Variants in BCKDHB observed in about 807,000 individuals in gnomAD.
BCKDHB encodes branched chain keto acid dehydrogenase E1 subunit beta.
BCKDHB carries 41 observed loss-of-function variants against 48.5 expected under a neutral mutation model. The ratio of observed to expected loss-of-function variants is 0.85; its 90% CI spans 0.66 to 1.10. The LOEUF (loss-of-function observed/expected upper bound fraction) is 1.10. Ranked by LOEUF, BCKDHB falls within the 50% of genes least tolerant of loss-of-function variation. The pLI is 0.00. For synonymous variants in BCKDHB, 201 were observed against 174.8 expected (o/e 1.15, Z -1.18); for missense variants, 496 against 494.2 (o/e 1.00, Z -0.03).
At chr6:80,410,644 T>C in the BCKDHB span, among the ~76,000 whole-genome samples, 1 of 152,250 alleles carries the variant, frequency 6.6e-6, no homozygotes, top group Non-Finnish European at 1.5e-5. Flanking sequence ...TGTTCATTTC[T>C]TTCTACTCTT....
At chr6:80,311,889 A>G (rs1200798401) in intron 9 of BCKDHB, among the ~76,000 whole-genome samples, 2 of 152,132 alleles carry the variant, frequency 1.3e-5, no homozygotes, top group Non-Finnish European at 2.9e-5. Context: ...CTTTTTGTTT[A>G]GGATTGTCTT....
intron 9 of BCKDHB, among the ~76,000 whole-genome samples, chr6:80,301,872 C>G (rs1399831763): frequency 6.6e-6 from 1 of 152,098 alleles, no homozygotes; most frequent in Admixed American, 6.5e-5. Context: ...ATTCACCACA[C>G]AAACAGAACT....
intron 9 of BCKDHB, among the ~76,000 whole-genome samples, chr6:80,315,595 C>T (rs1768405630): frequency 6.6e-6 from 1 of 151,452 alleles, no homozygotes; most frequent in Non-Finnish European, 1.5e-5. Context: ...CCCCCGATCC[C>T]TTGTTTTTTT....
chr6:80,352,306 G>A, the BCKDHB span, among the ~76,000 whole-genome samples: 1 of 152,182 alleles, frequency 6.6e-6, no homozygotes, highest in African/African-American at 2.4e-5. Flanking sequence ...GGGATTTATG[G>A]CCACCTTCTC....
At chr6:80,106,955 G>T (rs971805810) in intron 1 of BCKDHB, 66 bp downstream of exon 1, 5 of 1,542,878 alleles carry the variant, frequency 3.2e-6, no homozygotes, top group Non-Finnish European at 3.5e-6. Context: ...AGGCGCCCGC[G>T]AGGGGCAGGG....
intron 3 of BCKDHB, among the ~76,000 whole-genome samples, chr6:80,142,547 T>A (rs1771274602): frequency 6.6e-6 from 1 of 152,072 alleles, no homozygotes. Flanking sequence ...GGAATGGGAA[T>A]AAAAACATAT....
chr6:80,439,616 T>C, the BCKDHB span, among the ~76,000 whole-genome samples: 35 of 152,338 alleles, frequency 2.3e-4, no homozygotes, highest in Middle Eastern at 3.4e-3. Flanking sequence ...CTCATTACTT[T>C]AATCCTGGGC....
At chr6:80,322,238 C>CTTTTTTTTTTTTT (rs776940885) in intron 9 of BCKDHB, among the ~76,000 whole-genome samples, 10 of 116,658 alleles carry the variant, frequency 8.6e-5, no homozygotes, top group Non-Finnish European at 1.0e-4. Flanking sequence ...TCTTTCTTTT[C>CTTTTTTTTTTTTT]TTTTTTTTTT....
chr6:80,376,676 A>G, the BCKDHB span, among the ~76,000 whole-genome samples: 1 of 151,946 alleles, frequency 6.6e-6, no homozygotes, highest in South Asian at 2.1e-4. Context: ...TCCATTTTCT[A>G]TTTTTCACTT....
At chr6:80,295,310 C>T (rs1436840305) in intron 9 of BCKDHB, among the ~76,000 whole-genome samples, 1 of 152,034 alleles carries the variant, frequency 6.6e-6, no homozygotes, top group Non-Finnish European at 1.5e-5. Context: ...TTCCACATGG[C>T]TGGGGAGGCC....
chr6:80,422,578 G>T, the BCKDHB span, among the ~76,000 whole-genome samples: 1 of 152,194 alleles, frequency 6.6e-6, no homozygotes, highest in Non-Finnish European at 1.5e-5. Context: ...CATCTGTGGG[G>T]TCTGCAGAGA....
At chr6:80,334,322 G>A (rs2223876) in intron 9 of BCKDHB, among the ~76,000 whole-genome samples, 117,950 of 151,978 alleles carry the variant, frequency 0.78, 46,135 homozygotes, top group Admixed American at 0.84. Flanking sequence ...TAAATAATAG[G>A]GCAATTTCAA....
intron 6 of BCKDHB, among the ~76,000 whole-genome samples, chr6:80,173,377 T>C (rs1773006637): frequency 6.6e-6 from 1 of 152,154 alleles, no homozygotes; most frequent in Non-Finnish European, 1.5e-5. Flanking sequence ...GGCTCTTTCA[T>C]AGCTAGAAAG....
intron 6 of BCKDHB, among the ~76,000 whole-genome samples, chr6:80,175,804 T>G (rs1208613378): frequency 6.6e-6 from 1 of 152,178 alleles, no homozygotes; most frequent in African/African-American, 2.4e-5. Flanking sequence ...ATATAAGAAA[T>G]ATATTCTAAG....
At chr6:80,244,318 G>T (rs1465948127) in intron 8 of BCKDHB, among the ~76,000 whole-genome samples, 1 of 152,170 alleles carries the variant, frequency 6.6e-6, no homozygotes, top group Non-Finnish European at 1.5e-5. Flanking sequence ...AGAAGTGTAT[G>T]TTGTTGTAGA....
At chr6:80,312,089 C>G (rs553545297) in intron 9 of BCKDHB, among the ~76,000 whole-genome samples, 6 of 152,156 alleles carry the variant, frequency 3.9e-5, no homozygotes, top group Non-Finnish European at 8.8e-5. Flanking sequence ...TGTGTCATCT[C>G]TGGATTTCTT....
At chr6:80,409,134 A>G in the BCKDHB span, among the ~76,000 whole-genome samples, 2 of 151,976 alleles carry the variant, frequency 1.3e-5, no homozygotes, top group Admixed American at 6.6e-5. Flanking sequence ...TTATTTACCC[A>G]TTAGTCATTC....
intron 9 of BCKDHB, among the ~76,000 whole-genome samples, chr6:80,301,996 A>C (rs767542671): frequency 2.0e-5 from 3 of 152,118 alleles, no homozygotes; most frequent in African/African-American, 7.2e-5. Flanking sequence ...GAAGGAACAT[A>C]CCTCAAAACA....
intron 3 of BCKDHB, among the ~76,000 whole-genome samples, chr6:80,154,665 G>A (rs1771952335): frequency 6.6e-6 from 1 of 151,960 alleles, no homozygotes; most frequent in South Asian, 2.1e-4. Flanking sequence ...TATACTTTAA[G>A]ATTTCTTTTA....
Sources: allele counts gnomAD v4.1 joint callset (sites outside exome capture counted in the v4.1 genomes callset), GRCh38; gene constraint gnomAD v4.1.1; transcripts MANE v1.5; gene names NCBI Gene and HGNC (gene_info 2026-07-23, HGNC 2026-07-21).